SAMD12: variants seen among roughly 807,000 people sequenced by gnomAD.
SAMD12 encodes the protein sterile alpha motif domain containing 12.
A neutral mutation model predicts 15.0 loss-of-function variants in SAMD12; 9 were observed. The ratio of observed to expected loss-of-function variants is 0.60; its 90% confidence interval spans 0.36 to 1.05. The LOEUF (loss-of-function observed/expected upper bound fraction) is 1.05. Ranked by LOEUF, SAMD12 falls within the 50% of genes least tolerant of loss-of-function variation. The pLI is 0.01. For missense variants in SAMD12, 230 were observed against 234.2 expected (o/e 0.98, Z 0.12); for synonymous variants, 86 against 90.1 (o/e 0.96, Z 0.25).
At chr8:118,164,999 G>GTGTGTGTGTGTA in the SAMD12 span, among the ~76,000 whole-genome samples, 1 of 151,716 alleles carries the variant, frequency 6.6e-6, no homozygotes, top group African/African-American at 2.4e-5. Context: ...GTGTGTGTGT[G>GTGTGTGTGTGTA]TGTGTGTGTT....
chr8:118,500,268 G>C (rs918985169), intron 2 of SAMD12, among the ~76,000 whole-genome samples: 3 of 151,266 alleles, frequency 2.0e-5, no homozygotes, highest in African/African-American at 7.3e-5. Context: ...AGTAGAGACG[G>C]GGTTTCTCCA....
At chr8:118,375,979 T>C (rs1819367550), downstream of SAMD12, 1 of 152,200 alleles carries the variant, frequency 6.6e-6, no homozygotes, top group South Asian at 2.1e-4. Flanking sequence ...TCTCATCTCA[T>C]AGCATCCCAG....
At chr8:118,262,189 CT>C (rs747683180) in intron 4 of SAMD12, among the ~76,000 whole-genome samples, 13 of 151,998 alleles carry the variant, frequency 8.6e-5, no homozygotes, top group Non-Finnish European at 1.9e-4. Context: ...TCCACAGGAA[CT>C]TTTTAATTTT....
chr8:118,195,679 G>A (rs966372837), exon 5 of SAMD12: 1 of 152,360 alleles, frequency 6.6e-6, no homozygotes, highest in Non-Finnish European at 1.5e-5. Flanking sequence ...TTGTGGAAAT[G>A]GTGGGGTGGT....
chr8:118,479,642 CA>C (rs1824067188), intron 2 of SAMD12, among the ~76,000 whole-genome samples: 2 of 152,140 alleles, frequency 1.3e-5, no homozygotes, highest in East Asian at 3.8e-4. Flanking sequence ...CACTTTCCTC[CA>C]AAATTCTCAT....
At chr8:118,421,605 T>A (rs1330672265) in intron 3 of SAMD12, among the ~76,000 whole-genome samples, 3 of 152,226 alleles carry the variant, frequency 2.0e-5, no homozygotes, top group African/African-American at 4.8e-5. Context: ...TTGTTACTTG[T>A]GTAACACAGG....
In SAMD12 at chr8:118,378,705, G is replaced by C. The variant is rs972849582; in HGVS notation, c.*712C>G. On this transcript the variant is annotated 3_prime_UTR_variant, in exon 4 of 4. Coordinates refer to ENST00000314727, the MANE Select transcript of SAMD12 (RefSeq NM_207506.3). ...ATTTTATCATCCTTTCATTTAAAAC[G>C]ATGTACAATGGACGCTAAAATAAAA... The C allele has an allele frequency of 1.0e-6, 1 of 984,658 alleles. No individual in the cohort carries two copies. Among genetic ancestry groups the C allele is most frequent in the Non-Finnish European group, 1.2e-6 (1 of 829,456 alleles). 61.0% of individuals were successfully genotyped at this position (984,658 alleles called of 1,614,324 possible).
intron 4 of SAMD12, among the ~76,000 whole-genome samples, chr8:118,252,963 C>G (rs1361241443): frequency 6.6e-6 from 1 of 152,132 alleles, no homozygotes; most frequent in East Asian, 1.9e-4. Flanking sequence ...GAGTGTGGTA[C>G]CACTGCTGAG....
intron 4 of SAMD12, among the ~76,000 whole-genome samples, chr8:118,261,334 C>T (rs1813071969): frequency 6.6e-6 from 1 of 152,102 alleles, no homozygotes; most frequent in Non-Finnish European, 1.5e-5. Flanking sequence ...ACCTCAAACA[C>T]AAAGCAAAAT....
At chr8:118,207,012 A>G (rs1342617183) in intron 4 of SAMD12, among the ~76,000 whole-genome samples, 1 of 152,262 alleles carries the variant, frequency 6.6e-6, no homozygotes, top group African/African-American at 2.4e-5. Context: ...AGAAAGCCAC[A>G]TGAATGAAAT....
intron 4 of SAMD12, among the ~76,000 whole-genome samples, chr8:118,292,899 G>T (rs895422400): frequency 5.4e-5 from 7 of 129,270 alleles, no homozygotes; most frequent in Non-Finnish European, 9.6e-5. Flanking sequence ...TGGGGACTGT[G>T]GTGGGGTGGG....
intron 4 of SAMD12, among the ~76,000 whole-genome samples, chr8:118,282,890 T>C (rs1452672177): frequency 6.6e-6 from 1 of 152,120 alleles, no homozygotes; most frequent in Non-Finnish European, 1.5e-5. Context: ...ATGTATTTAT[T>C]TATATTTTAT....
chr8:118,544,501 A>T (rs1042416645), intron 2 of SAMD12, among the ~76,000 whole-genome samples: 5 of 152,174 alleles, frequency 3.3e-5, no homozygotes, highest in African/African-American at 1.2e-4. Flanking sequence ...TCCAAGCACA[A>T]GATGTTTAGA....
At chr8:118,421,480 A>G (rs778567621) in intron 3 of SAMD12, among the ~76,000 whole-genome samples, 1 of 152,232 alleles carries the variant, frequency 6.6e-6, no homozygotes, top group African/African-American at 2.4e-5. Context: ...AGGTAGTTTT[A>G]GGGTTAGCTA....
chr8:118,339,966 T>C (rs947627996), intron 4 of SAMD12, among the ~76,000 whole-genome samples: 4 of 152,354 alleles, frequency 2.6e-5, no homozygotes, highest in South Asian at 4.1e-4. Flanking sequence ...CTGTGTTCAA[T>C]AGACTGTGAG....
intron 4 of SAMD12, among the ~76,000 whole-genome samples, chr8:118,328,573 C>T (rs879905680): frequency 2.2e-4 from 33 of 152,100 alleles, no homozygotes; most frequent in Admixed American, 1.4e-3. Context: ...ATAGGAGGTA[C>T]GCAACAAAAA....
chr8:118,254,241 T>G (rs1163510773), intron 4 of SAMD12, among the ~76,000 whole-genome samples: 1 of 152,190 alleles, frequency 6.6e-6, no homozygotes, highest in Non-Finnish European at 1.5e-5. Flanking sequence ...ATTCCCTATC[T>G]GTCAAGTATT....
rs139751851 is a variant in SAMD12, at chr8:118,256,320, A to G, written c.434-58588T>C. On this transcript the variant is annotated intron_variant, in intron 4 of 4. Coordinates refer to the SAMD12 transcript ENST00000409003. Reference sequence around the variant, plus strand: ...CATTCCCTATAACTAGTGTAAATACATGTGGTTAGCCTACAAGTTACAAAT... The same window carrying G: ...CATTCCCTATAACTAGTGTAAATACGTGTGGTTAGCCTACAAGTTACAAAT... Among the ~76,000 whole-genome samples the G allele has an allele frequency of 4.9e-3, 752 of 152,256 alleles. 7 individuals carry two copies. Among genetic ancestry groups the G allele is most frequent in the Non-Finnish European group, 7.6e-3 (516 of 68,014 alleles).
intron 2 of SAMD12, among the ~76,000 whole-genome samples, chr8:118,443,756 C>A (rs1161189045): frequency 6.6e-6 from 1 of 152,190 alleles, no homozygotes; most frequent in Non-Finnish European, 1.5e-5. Flanking sequence ...TCTGCCTGAA[C>A]TTCTCTTTTT....
Sources: gnomAD v4.1 joint callset for allele counts (sites outside exome capture counted in the v4.1 genomes callset) on GRCh38, gnomAD v4.1.1 for gene constraint, MANE v1.5 for transcripts, NCBI Gene and HGNC (gene_info 2026-07-23, HGNC 2026-07-21) for gene names.